The following RPL23A variants were observed in gnomAD, a reference collection of about 807,000 sequenced individuals.
RPL23A encodes the protein large ribosomal subunit protein uL23.
A neutral mutation model predicts 17.6 loss-of-function variants in RPL23A; 2 were observed. The ratio of observed to expected loss-of-function variants is 0.11; its 90% confidence interval spans 0.05 to 0.36. The LOEUF (loss-of-function observed/expected upper bound fraction) is 0.36. Ranked by LOEUF, RPL23A falls within the 10% of genes least tolerant of loss-of-function variation. The probability of loss-of-function intolerance (pLI) is 1.00; values close to 1 mark genes in which losing one functional copy is unlikely to be tolerated. For missense variants in RPL23A, 132 were observed against 194.4 expected (o/e 0.68, Z 1.91); for synonymous variants, 65 against 74.3 (o/e 0.87, Z 0.65).
At position 28,723,562 on chromosome 17, in the gene RPL23A, C is replaced by T. The variant is rs960547102; in HGVS notation, c.387-9C>T. 1 of 1,611,962 alleles carries T rather than the reference C, an allele frequency of 6.2e-7. No individual in the cohort carries two copies. On this transcript the variant is annotated splice_polypyrimidine_tract_variant and intron_variant, in intron 3 of 4. Transcript: ENST00000422514. ...GTGGCAGGGACTAAGGCTTCCTTCT[C>T]TACCCTAGGCCTGATGGAGAGAAGA...
chr17:28,722,237 C>T (rs1243781405), intron 2 of RPL23A, among the ~76,000 whole-genome samples: 2 of 115,214 alleles, frequency 1.7e-5, no homozygotes, highest in Admixed American at 1.9e-4. Context: ...CGAAGCGAGA[C>T]TCTGTCTCAA....
rs1368202231 is a variant in RPL23A at position 28,723,883 on chromosome 17, C to CT, written c.*3dup. 5 of 1,593,224 alleles carry CT rather than the reference C, an allele frequency of 3.1e-6. No homozygotes were observed. Among genetic ancestry groups the CT allele is most frequent in the South Asian group, 1.1e-5 (1 of 90,500 alleles). ...GTTTTTCAGATTGGGATCATCTAAA[C>CT]TGAGTCCAGCTGCCTAATTCTGAAT... On this transcript the variant is annotated 3_prime_UTR_variant, in exon 5 of 5. Transcript: ENST00000422514.
At position 28,724,185 on chromosome 17, in the gene RPL23A, T is replaced by C. The variant is rs2034168755; in HGVS notation, c.*304T>C. The C allele has an allele frequency of 2.0e-6, 1 of 500,448 alleles. No homozygotes were observed. The highest frequency in any genetic ancestry group is 3.6e-5 in the Admixed American group (1 of 27,870). 31.0% of individuals were successfully genotyped at this position (500,448 alleles called of 1,614,324 possible). On this transcript the variant is annotated 3_prime_UTR_variant, in exon 5 of 5. Transcript: ENST00000422514. ...AACCCCTTTTATCCCTGGAAGAGGC[T>C]GTGTATGAAACCAATGCCCAGGGTT...
In RPL23A at chr17:28,720,879, C is replaced by G. The variant is rs775534492; in HGVS notation, c.198C>G (p.Pro66=). Residue 66 remains proline (P), a synonymous_variant, in exon 2 of 5, where the codon CCC becomes CCG. Transcript: ENST00000422514. ...CCAAATATCCTCGGAAGAGCGCTCC[C>G]AGGAGAAACAAGTCAGTACTGCCCC... The part of the protein sequence containing the change: ...RQPKYPRKSA[P]RRNKLDHYAI... The G allele has an allele frequency of 3.1e-6, 5 of 1,613,720 alleles. No individual in the cohort carries two copies. In the Admixed American group the frequency reaches 6.7e-5, roughly 22 times the overall value.
intron 2 of RPL23A, 84 bp from the exon 3 acceptor site, chr17:28,722,639 G>C (rs761861957): frequency 9.1e-7 from 1 of 1,098,664 alleles, no homozygotes. Context: ...TTGGTACCTC[G>C]TTGTCTGATG....
intron 3 of RPL23A, chr17:28,723,182 G>A (rs2034146883): frequency 1.9e-6 from 1 of 527,686 alleles, no homozygotes; most frequent in Non-Finnish European, 3.4e-6. Flanking sequence ...CTTAAACTTG[G>A]TGTAGGTTTA....
chr17:28,720,100 A>AACACG, intron 1 of RPL23A, 70 bp downstream of exon 1: 7 of 1,542,706 alleles, frequency 4.5e-6, no homozygotes, highest in Non-Finnish European at 6.1e-6. Flanking sequence ...ACGAATTGGG[A>AACACG]ACACGGCTGC....
Position 28,722,951 on chromosome 17 carries a change from CA to C in RPL23A, c.386+59del, listed in dbSNP as rs751573303. The C allele has an allele frequency of 5.9e-5, 86 of 1,465,666 alleles. No homozygotes were observed. The Admixed American group carries it at 1.2e-3, about 20-fold the overall frequency. The allele number at this position is 1,465,666 out of a possible 1,614,324, so 90.8% of individuals were successfully genotyped here. ...GCAGGCTGGACCAGCAGTCTGGAGCCAAAAAAACCTGCATTCCATGAAGCTT... is the reference window on the plus strand; with the variant it reads ...GCAGGCTGGACCAGCAGTCTGGAGCCAAAAAACCTGCATTCCATGAAGCTT... On this transcript the variant is annotated intron_variant, in intron 3 of 4. Transcript: ENST00000422514.
At position 28,724,266 on chromosome 17, in the gene RPL23A, C is replaced by T. The variant is rs1259026354; in HGVS notation, c.*385C>T. On this transcript the variant is annotated 3_prime_UTR_variant, in exon 5 of 5. Coordinates refer to ENST00000422514, the MANE Select transcript of RPL23A (RefSeq NM_000984.6). ...TGTGGATTGGCTGGCTCTCTGGTAG[C>T]ATTTTGTCCTCACACACCCATCTAC... 15 of 566,974 alleles carry T rather than the reference C, an allele frequency of 2.6e-5. No homozygotes were observed. Among genetic ancestry groups the T allele is most frequent in the Non-Finnish European group, 4.4e-5 (14 of 321,444 alleles). The allele number at this position is 566,974 out of a possible 1,614,324, so 35.1% of individuals were successfully genotyped here. A position where few individuals can be genotyped will look rare whatever the true frequency, so the allele number is the denominator to read the frequency against.
intron 2 of RPL23A, 161 bp from the exon 3 acceptor site, chr17:28,722,535 ACAACGTTCTGCCCCTGGGATTGGGGCT>A (rs767255913): frequency 2.5e-5 from 19 of 753,194 alleles, no homozygotes; most frequent in Non-Finnish European, 4.2e-5. Flanking sequence ...AAGAAAATGC[ACAACGTTCTGCCCCTGGGATTGGGGCT>A]TCAGGCCCTT....
At chr17:28,723,771 T>C in intron 4 of RPL23A, 96 bp from the exon 5 acceptor site, 1 of 1,394,548 alleles carries the variant, frequency 7.2e-7, no homozygotes, top group Non-Finnish European at 1.0e-6. Flanking sequence ...TTGACAAACC[T>C]TATCCTCACA....
At chr17:28,722,553 G>A in intron 2 of RPL23A, 170 bp from the exon 3 acceptor site, 1 of 771,964 alleles carries the variant, frequency 1.3e-6, no homozygotes, top group Non-Finnish European at 2.4e-6. Flanking sequence ...CTGCCCCTGG[G>A]ATTGGGGCTT....
At position 28,723,475 on chromosome 17, in the gene RPL23A, A is replaced by G. The variant is rs374282505; in HGVS notation, c.387-96A>G. The G allele has an allele frequency of 1.1e-5, 10 of 874,150 alleles. No homozygotes were observed. The African/African-American group carries it at 1.3e-4, about 12-fold the overall frequency. The allele number at this position is 874,150 out of a possible 1,614,324, so 54.1% of individuals were successfully genotyped here. Reference sequence around the variant, plus strand: ...TTATTGGAAAAGAATGACATGAACAAAGGAACCACTGAAGTGCCGGAGGAC... The same window carrying G: ...TTATTGGAAAAGAATGACATGAACAGAGGAACCACTGAAGTGCCGGAGGAC... On this transcript the variant is annotated intron_variant, in intron 3 of 4. Coordinates refer to ENST00000422514, the MANE Select transcript of RPL23A (RefSeq NM_000984.6).
rs2034149572 is a variant in RPL23A, at chr17:28,723,320, G to C, written c.387-251G>C. ...TTTTCTGGGTCCCTACTTCTATTGG[G>C]AAAGGCAACTAGAGTGCGACACGTG... On this transcript the variant is annotated intron_variant, in intron 3 of 4. Coordinates refer to ENST00000422514, the MANE Select transcript of RPL23A (RefSeq NM_000984.6). The C allele has an allele frequency of 8.9e-6, 6 of 676,206 alleles. No individual in the cohort carries two copies. In the South Asian group the frequency reaches 9.1e-5, roughly 10 times the overall value. The allele number at this position is 676,206 out of a possible 1,614,324, so 41.9% of individuals were successfully genotyped here.
chr17:28,721,282 A>G (rs1408808360), intron 2 of RPL23A: 1 of 199,318 alleles, frequency 5.0e-6, no homozygotes, highest in Admixed American at 5.3e-5. Flanking sequence ...TGAACCCGGG[A>G]GGTGGAGGTT....
At chr17:28,723,773 A>AT in intron 4 of RPL23A, 94 bp from the exon 5 acceptor site, 16 of 1,386,152 alleles carry the variant, frequency 1.2e-5, no homozygotes, top group Non-Finnish European at 1.6e-5. Flanking sequence ...GACAAACCTT[A>AT]TCCTCACATT....
intron 3 of RPL23A, 160 bp from the exon 4 acceptor site, chr17:28,723,411 G>T: frequency 1.3e-6 from 1 of 775,202 alleles, no homozygotes. Flanking sequence ...TTGGCTTTGT[G>T]GCTTCATGGT....
At position 28,720,043 on chromosome 17, in the gene RPL23A, G is replaced by A. The variant is rs1361113678; in HGVS notation, c.25+13G>A. 3 of 1,551,538 alleles carry A rather than the reference G, an allele frequency of 1.9e-6. No individual in the cohort carries two copies. The highest frequency in any genetic ancestry group is 2.4e-5 in the East Asian group (1 of 40,930). On this transcript the variant is annotated intron_variant, in intron 1 of 4. Coordinates refer to ENST00000422514, the MANE Select transcript of RPL23A (RefSeq NM_000984.6). The stretch of plus-strand genomic sequence containing the variant: ...GCGAAGAAGGAAGGTGTGTGTTGGT[G>A]ATGGGGCCGCAGCTGGTTTACCGGG...
Position 28,720,037 on chromosome 17 carries a change from G to A in RPL23A, c.25+7G>A. On this transcript the variant is annotated splice_region_variant and intron_variant, in intron 1 of 4. Transcript: ENST00000422514. ...CCGAAAGCGAAGAAGGAAGGTGTGT[G>A]TTGGTGATGGGGCCGCAGCTGGTTT... The A allele has an allele frequency of 6.4e-7, 1 of 1,551,692 alleles. No homozygotes were observed. The highest frequency in any genetic ancestry group is 8.7e-7 in the Non-Finnish European group (1 of 1,147,060).
Sources: allele counts gnomAD v4.1 joint callset (sites outside exome capture counted in the v4.1 genomes callset), GRCh38; gene constraint gnomAD v4.1.1; transcripts MANE v1.5; gene names NCBI Gene and HGNC (gene_info 2026-07-23, HGNC 2026-07-21).